Variants in PAK5 observed in about 807,000 individuals in gnomAD.
PAK5 encodes p21 (RAC1) activated kinase 5, also known as serine/threonine-protein kinase PAK 5.
A neutral mutation model predicts 65.9 loss-of-function variants in PAK5; 16 were observed. The ratio of observed to expected loss-of-function variants is 0.24; its 90% CI spans 0.16 to 0.37. The LOEUF is 0.37. Ranked by LOEUF, PAK5 falls within the 10% of genes least tolerant of loss-of-function variation. The pLI is 1.00. For synonymous variants in PAK5, 371 were observed against 354.9 expected (o/e 1.05, Z -0.51); for missense variants, 785 against 903.9 (o/e 0.87, Z 1.69).
chr20:9,553,700 G>A (rs2045465445), intron 7 of PAK5, among the ~76,000 whole-genome samples: 1 of 152,144 alleles, frequency 6.6e-6, no homozygotes, highest in Non-Finnish European at 1.5e-5. Context: ...TTATTGTTAA[G>A]TGGTATTCCA....
At chr20:9,831,309 T>C (rs1011203602) in intron 1 of PAK5, among the ~76,000 whole-genome samples, 3 of 152,234 alleles carry the variant, frequency 2.0e-5, no homozygotes, top group Non-Finnish European at 4.4e-5. Context: ...GTAAATTCCT[T>C]TTGCTGGAGT....
chr20:9,730,508 G>A (rs1187039005), intron 1 of PAK5, among the ~76,000 whole-genome samples: 5 of 152,142 alleles, frequency 3.3e-5, no homozygotes, highest in African/African-American at 7.2e-5. Context: ...TTCAATTTAG[G>A]TATTTATCAT....
intron 1 of PAK5, among the ~76,000 whole-genome samples, chr20:9,775,856 C>A (rs1285158913): frequency 2.6e-5 from 4 of 152,272 alleles, no homozygotes; most frequent in African/African-American, 9.6e-5. Flanking sequence ...TATTAGAATT[C>A]TCTTGGGAAG....
rs765997465 is a variant in PAK5, at chr20:9,566,010, G to A, written c.1365C>T (p.Ile455=). 7 of 1,613,588 alleles carry A rather than the reference G, an allele frequency of 4.3e-6. No individual in the cohort carries two copies. In the South Asian group the frequency reaches 5.5e-5, roughly 13 times the overall value. The change falls in exon 5 of 10, where the codon ATC becomes ATT. Residue 455 remains isoleucine, a synonymous_variant. Transcript: ENST00000353224. The stretch of plus-strand genomic sequence containing the variant: ...ATACGATGCCGGTTGAGCCTTCCCC[G>A]ATTTTGATAAAGTTGGCCAAGTATT... ...PREYLANFIK[I]GEGSTGIVCI...
intron 1 of PAK5, among the ~76,000 whole-genome samples, chr20:9,746,741 G>A: frequency 6.6e-6 from 1 of 152,068 alleles, no homozygotes; most frequent in Non-Finnish European, 1.5e-5. Context: ...GAACCGCACA[G>A]ACATTCCTTG....
At chr20:9,688,229 T>A (rs953099280) in intron 2 of PAK5, among the ~76,000 whole-genome samples, 1 of 152,036 alleles carries the variant, frequency 6.6e-6, no homozygotes, top group African/African-American at 2.4e-5. Context: ...CAAGCTAGAC[T>A]TCTTCTGAGA....
Position 9,689,145 on chromosome 20 carries a change from C to T in PAK5, c.-12+22141G>A, listed in dbSNP as rs186509363. Among the ~76,000 whole-genome samples, 541 of 152,316 alleles carry T rather than the reference C, an allele frequency of 3.6e-3. 2 individuals are homozygous for T. The highest frequency in any genetic ancestry group is 6.2e-3 in the Non-Finnish European group (419 of 68,028). On this transcript the variant is annotated intron_variant, in intron 2 of 9. Transcript: ENST00000353224. ...ACGTCTGTAGTTGAACATTTCTCTCCTCAGGTACTGCTTCATTTGTTTTCT... is the reference window on the plus strand; with the variant it reads ...ACGTCTGTAGTTGAACATTTCTCTCTTCAGGTACTGCTTCATTTGTTTTCT...
intron 3 of PAK5, among the ~76,000 whole-genome samples, chr20:9,636,785 C>CAA (rs898516415): frequency 7.2e-5 from 11 of 152,100 alleles, no homozygotes; most frequent in Admixed American, 2.0e-4. Context: ...CTAGAAAAGA[C>CAA]AAAAGTCTCT....
At chr20:9,781,849 C>A (rs1030919025) in intron 1 of PAK5, among the ~76,000 whole-genome samples, 1 of 152,158 alleles carries the variant, frequency 6.6e-6, no homozygotes, top group African/African-American at 2.4e-5. Context: ...ACCACCCACT[C>A]TCTCCTGCAT....
At chr20:9,654,980 C>T (rs985531310) in intron 2 of PAK5, among the ~76,000 whole-genome samples, 1 of 152,166 alleles carries the variant, frequency 6.6e-6, no homozygotes, top group Admixed American at 6.5e-5. Context: ...GAAATTATTT[C>T]AAATTACAGA....
At chr20:9,777,670 A>G (rs1334686154) in intron 1 of PAK5, among the ~76,000 whole-genome samples, 1 of 152,216 alleles carries the variant, frequency 6.6e-6, no homozygotes, top group African/African-American at 2.4e-5. Context: ...AAGAATAACT[A>G]AAGAGAAATA....
At chr20:9,548,368 C>CT (rs76455648) in intron 7 of PAK5, among the ~76,000 whole-genome samples, 3,762 of 148,016 alleles carry the variant, frequency 0.025, 63 homozygotes, top group Middle Eastern at 0.11. Flanking sequence ...TGATCACTCT[C>CT]TTTTTTTTTT....
At chr20:9,576,599 T>C (rs2045889286) in intron 4 of PAK5, among the ~76,000 whole-genome samples, 1 of 152,190 alleles carries the variant, frequency 6.6e-6, no homozygotes, top group Non-Finnish European at 1.5e-5. Context: ...GTTGTGAAAT[T>C]AATTGCTAAT....
At chr20:9,653,961 CTTT>C (rs35916583) in intron 2 of PAK5, among the ~76,000 whole-genome samples, 14 of 136,010 alleles carry the variant, frequency 1.0e-4, no homozygotes, top group African/African-American at 2.8e-4. Flanking sequence ...CTTTTCTTCT[CTTT>C]TTTTTTTTTT....
At chr20:9,793,654 A>G (rs532548383) in intron 1 of PAK5, among the ~76,000 whole-genome samples, 1 of 152,186 alleles carries the variant, frequency 6.6e-6, no homozygotes, top group Admixed American at 6.5e-5. Flanking sequence ...AGTCAGAATG[A>G]TGATTATTAA....
rs369530946 is a variant in PAK5 at position 9,737,094 on chromosome 20, C to CA, written c.-161-25660dup. The stretch of plus-strand genomic sequence containing the variant: ...AAAGTGAAATAAAGATATTTTGAGA[C>CA]AAAAAAAAAAGCCTGATGGAACAAA... On this transcript the variant is annotated intron_variant, in intron 1 of 9. Coordinates refer to ENST00000353224, the MANE Select transcript of PAK5 (RefSeq NM_177990.4). 1.7e-3 allele frequency among the ~76,000 whole-genome samples: 238 copies of CA among 138,344 alleles called. 2 individuals are homozygous for CA. Among genetic ancestry groups the CA allele is most frequent in the African/African-American group, 5.0e-3 (188 of 37,694 alleles). 90.8% of individuals were successfully genotyped at this position (138,344 alleles called of 152,430 possible). A position where few individuals can be genotyped will look rare whatever the true frequency, so the allele number is the denominator to read the frequency against.
At chr20:9,624,777 T>C (rs1009112186) in intron 3 of PAK5, among the ~76,000 whole-genome samples, 1 of 152,024 alleles carries the variant, frequency 6.6e-6, no homozygotes, top group Non-Finnish European at 1.5e-5. Flanking sequence ...GATCACCCAG[T>C]CTGTAAAAGA....
chr20:9,642,168 C>A (rs2047078188), intron 3 of PAK5, among the ~76,000 whole-genome samples: 1 of 152,226 alleles, frequency 6.6e-6, no homozygotes, highest in Non-Finnish European at 1.5e-5. Flanking sequence ...TGGGTATATA[C>A]CCAGTAATGG....
chr20:9,698,519 C>A (rs1405896570), intron 2 of PAK5, among the ~76,000 whole-genome samples: 1 of 152,180 alleles, frequency 6.6e-6, no homozygotes, highest in East Asian at 1.9e-4. Flanking sequence ...AAAAGCACTT[C>A]ATCTAAGGAA....
Sources: gnomAD v4.1 joint callset for allele counts (sites outside exome capture counted in the v4.1 genomes callset) on GRCh38, gnomAD v4.1.1 for gene constraint, MANE v1.5 for transcripts, NCBI Gene and HGNC (gene_info 2026-07-23, HGNC 2026-07-21) for gene names.